TMTC1: variants seen among roughly 807,000 people sequenced by gnomAD.
TMTC1 encodes transmembrane O-mannosyltransferase targeting cadherins 1.
TMTC1 carries 73 observed loss-of-function variants against 104.8 expected under a neutral mutation model. That is an observed-to-expected ratio of 0.70 (90% CI 0.58 to 0.85). TMTC1 has a LOEUF of 0.85. TMTC1 is among the 40% of genes least tolerant of loss of function. The pLI is 0.00. For missense variants in TMTC1, 1,035 were observed against 1,096.1 expected (o/e 0.94, Z 0.79); for synonymous variants, 434 against 428.7 (o/e 1.01, Z -0.15).
At chr12:29,715,987 GTATTATTATTATTATTATTAT>G (rs140955615) in intron 5 of TMTC1, among the ~76,000 whole-genome samples, 1,448 of 130,142 alleles carry the variant, frequency 0.011, 28 homozygotes, top group African/African-American at 0.038. Flanking sequence ...GCCAAACTCA[GTATTATTATTATTATTATTAT>G]TATTATTATT....
chr12:29,749,390 T>C (rs1226675190), intron 5 of TMTC1, among the ~76,000 whole-genome samples: 2 of 152,134 alleles, frequency 1.3e-5, no homozygotes, highest in African/African-American at 4.8e-5. Flanking sequence ...ATGTCACAAA[T>C]ATTTAAGCAG....
At chr12:29,699,253 T>C (rs114149082) in intron 5 of TMTC1, among the ~76,000 whole-genome samples, 1,792 of 152,294 alleles carry the variant, frequency 0.012, 22 homozygotes, top group African/African-American at 0.041. Context: ...CTTGGAAATA[T>C]TTGCTCATGC....
intron 7 of TMTC1, among the ~76,000 whole-genome samples, chr12:29,601,837 TC>T (rs1296722941): frequency 1.3e-5 from 2 of 149,946 alleles, no homozygotes; most frequent in Non-Finnish European, 3.0e-5. Flanking sequence ...TATAATCATC[TC>T]TTTTTTTTTT....
In TMTC1 at chr12:29,503,666, T is replaced by C. The variant is rs1217572986; in HGVS notation, c.*3180A>G. The C allele has an allele frequency of 6.6e-6, 1 of 152,176 alleles. No individual in the cohort carries two copies. The highest frequency in any genetic ancestry group is 1.5e-5 in the Non-Finnish European group (1 of 68,038). The allele number at this position is 152,176 out of a possible 1,614,324, so 9.4% of individuals were successfully genotyped here. On this transcript the variant is annotated 3_prime_UTR_variant, in exon 18 of 18. Transcript: ENST00000539277. ...CATAAAATGAAACTCTGATCATTGG[T>C]TCAAATGTTCAGCCAGGCCAAAGCA...
rs1555167547 is a variant in TMTC1 at position 29,545,676 on chromosome 12, C to CACACACA, written c.1677-9360_1677-9359insTGTGTGT. On this transcript the variant is annotated intron_variant, in intron 10 of 17. Transcript: ENST00000539277. ...ACACACACACACACACACACACACA[C>CACACACA]GGATAGAAACTAAGCCTCAGCAAAG... Among the ~76,000 whole-genome samples the CACACACA allele has an allele frequency of 6.5e-5, 9 of 137,830 alleles. 1 individual carries two copies. The highest frequency in any genetic ancestry group is 2.4e-4 in the South Asian group (1 of 4,206). 90.4% of individuals were successfully genotyped at this position (137,830 alleles called of 152,430 possible).
chr12:29,556,772 TG>T (rs1184310867), intron 10 of TMTC1, 84 bp downstream of exon 10: 1 of 1,561,480 alleles, frequency 6.4e-7, no homozygotes, highest in Non-Finnish European at 8.7e-7. Flanking sequence ...GAGAGGCAAG[TG>T]CAGCACAATC....
At chr12:29,745,618 C>CAAAAAAAAAAAAA (rs71444341) in intron 5 of TMTC1, among the ~76,000 whole-genome samples, 8 of 84,550 alleles carry the variant, frequency 9.5e-5, no homozygotes, top group African/African-American at 1.3e-4. Context: ...GAGACTCAAT[C>CAAAAAAAAAAAAA]AAAAAAAAAA....
chr12:29,604,423 C>A, intron 6 of TMTC1, 124 bp from the exon 7 acceptor site: 1 of 1,328,544 alleles, frequency 7.5e-7, no homozygotes, highest in Non-Finnish European at 1.0e-6. Context: ...CAATATAAAC[C>A]TTTTGACCGG....
chr12:29,624,018 T>C (rs1383904590), intron 6 of TMTC1, among the ~76,000 whole-genome samples: 5 of 151,966 alleles, frequency 3.3e-5, no homozygotes, highest in Non-Finnish European at 7.4e-5. Context: ...GAGTCTCTGT[T>C]GCCCTGGCTG....
intron 5 of TMTC1, among the ~76,000 whole-genome samples, chr12:29,683,900 G>C (rs1294726098): frequency 1.3e-5 from 2 of 151,498 alleles, no homozygotes; most frequent in African/African-American, 4.9e-5. Flanking sequence ...ATGGAGTACA[G>C]TGGTATGATC....
chr12:29,710,903 T>G (rs56981046), intron 5 of TMTC1, among the ~76,000 whole-genome samples: 90,381 of 121,002 alleles, frequency 0.75, 32,429 homozygotes, highest in South Asian at 0.82. Context: ...TATAAATATA[T>G]TAATAATATA....
At chr12:29,591,909 A>AAAACAAAACG (rs1259831292) in intron 7 of TMTC1, among the ~76,000 whole-genome samples, 8 of 44,638 alleles carry the variant, frequency 1.8e-4, no homozygotes, top group African/African-American at 1.5e-3. Flanking sequence ...CTTTTAAGTG[A>AAAACAAAACG]AAACAAAACA....
At chr12:29,525,753 G>A (rs1431220257) in intron 11 of TMTC1, among the ~76,000 whole-genome samples, 1 of 152,120 alleles carries the variant, frequency 6.6e-6, no homozygotes, top group East Asian at 1.9e-4. Flanking sequence ...TTTTCCCCTG[G>A]AAGTGGATCT....
chr12:29,580,268 A>C (rs1945941659), intron 8 of TMTC1, among the ~76,000 whole-genome samples: 1 of 152,172 alleles, frequency 6.6e-6, no homozygotes, highest in Non-Finnish European at 1.5e-5. Context: ...GCAGTGAGCC[A>C]TGATCACGCC....
At chr12:29,721,839 A>G (rs909335375) in intron 5 of TMTC1, among the ~76,000 whole-genome samples, 2 of 151,980 alleles carry the variant, frequency 1.3e-5, no homozygotes, top group Non-Finnish European at 2.9e-5. Flanking sequence ...ATTTAAGGAA[A>G]TATTTCTTTA....
At chr12:29,767,818 A>G (rs1943503732) in intron 2 of TMTC1, 80 bp downstream of exon 2, 1 of 1,291,784 alleles carries the variant, frequency 7.7e-7, no homozygotes. Flanking sequence ...ACATGTATAT[A>G]TATGTGTGTG....
At chr12:29,755,641 G>A in intron 4 of TMTC1, 68 bp downstream of exon 4, 1 of 1,064,512 alleles carries the variant, frequency 9.4e-7, no homozygotes. Flanking sequence ...TGGAAGTTTG[G>A]AAACTATTAA....
At chr12:29,677,193 G>C (rs1940759161) in intron 5 of TMTC1, among the ~76,000 whole-genome samples, 1 of 152,124 alleles carries the variant, frequency 6.6e-6, no homozygotes. Flanking sequence ...TGGGTTTCAG[G>C]ATCAAGGTTA....
intron 13 of TMTC1, 116 bp downstream of exon 13, chr12:29,518,356 G>T: frequency 1.6e-6 from 2 of 1,282,554 alleles, no homozygotes; most frequent in Non-Finnish European, 2.1e-6. Context: ...TGTATCACCT[G>T]AATTGGCAAA....
Sources: allele counts gnomAD v4.1 joint callset (sites outside exome capture counted in the v4.1 genomes callset), GRCh38; gene constraint gnomAD v4.1.1; transcripts MANE v1.5; gene names NCBI Gene and HGNC (gene_info 2026-07-23, HGNC 2026-07-21).